The following CPAMD8 variants were observed in gnomAD, a reference collection of about 807,000 sequenced individuals.
CPAMD8 encodes C3 and PZP like alpha-2-macroglobulin domain containing 8, also known as C3 and PZP-like alpha-2-macroglobulin domain-containing protein 8.
Under a neutral mutation model 224.7 loss-of-function variants are expected in CPAMD8, and 146 were observed. That is an observed-to-expected ratio of 0.65 (90% CI 0.57 to 0.75). The LOEUF (loss-of-function observed/expected upper bound fraction) is 0.75. Among genes scored for constraint, CPAMD8 ranks in the 30% least tolerant of loss-of-function variants. The pLI, the probability that CPAMD8 is intolerant of heterozygous loss-of-function variation, is 0.00. For synonymous variants in CPAMD8, 966 were observed against 1,044.6 expected (o/e 0.92, Z 1.45); for missense variants, 2,301 against 2,537.5 (o/e 0.91, Z 2.00).
intron 9 of CPAMD8, among the ~76,000 whole-genome samples, chr19:17,001,319 T>A (rs2056308926): frequency 6.4e-5 from 3 of 46,618 alleles, no homozygotes; most frequent in Non-Finnish European, 1.1e-4. Flanking sequence ...AGACTCCGTC[T>A]GAAAAAAAAA....
chr19:16,991,664 G>C (rs1272379404), intron 12 of CPAMD8, among the ~76,000 whole-genome samples: 1 of 152,120 alleles, frequency 6.6e-6, no homozygotes, highest in Non-Finnish European at 1.5e-5. Context: ...AGACCAGCTT[G>C]ACCAATATAG....
chr19:16,976,709 G>A (rs1267715954), intron 15 of CPAMD8, among the ~76,000 whole-genome samples: 1 of 151,876 alleles, frequency 6.6e-6, no homozygotes. Flanking sequence ...AGATGGGAAG[G>A]CAGGTGCTGG....
chr19:16,947,695 G>A (rs989363291), intron 20 of CPAMD8, among the ~76,000 whole-genome samples: 1 of 120,240 alleles, frequency 8.3e-6, no homozygotes, highest in African/African-American at 3.3e-5. Context: ...TCATGTGCAT[G>A]TGTGTGCTGT....
At chr19:16,984,374 C>G (rs1006047446) in intron 13 of CPAMD8, among the ~76,000 whole-genome samples, 2 of 148,640 alleles carry the variant, frequency 1.3e-5, no homozygotes, top group Non-Finnish European at 3.0e-5. Flanking sequence ...ATCCCTACCT[C>G]ACACCATATA....
intron 13 of CPAMD8, among the ~76,000 whole-genome samples, chr19:16,981,537 T>A (rs1248009111): frequency 6.6e-6 from 1 of 151,812 alleles, no homozygotes; most frequent in Non-Finnish European, 1.5e-5. Context: ...TGTCAATGAG[T>A]GTAGGGCAGG....
intron 12 of CPAMD8, among the ~76,000 whole-genome samples, chr19:16,992,649 G>T (rs1332424455): frequency 1.3e-5 from 2 of 151,726 alleles, no homozygotes; most frequent in African/African-American, 4.8e-5. Context: ...ATGGGGTTTT[G>T]CCATGTTGGC....
intron 27 of CPAMD8, among the ~76,000 whole-genome samples, chr19:16,917,494 T>C (rs989497658): frequency 2.0e-5 from 3 of 151,762 alleles, no homozygotes; most frequent in South Asian, 2.1e-4. Flanking sequence ...ATGCCAGCAG[T>C]GTTTGGGAGG....
Position 16,914,408 on chromosome 19 carries a change from C to T in CPAMD8, c.3861+16G>A, listed in dbSNP as rs773299188. 9 of 1,613,040 alleles carry T rather than the reference C, an allele frequency of 5.6e-6. No homozygotes were observed. The highest frequency in any genetic ancestry group is 5.0e-5 in the Admixed American group (3 of 60,012). On this transcript the variant is annotated intron_variant, in intron 29 of 41. Coordinates refer to ENST00000443236, the MANE Select transcript of CPAMD8 (RefSeq NM_015692.5). ...GTGCCCAGCCCCGAGTCTCCCCAAACCCCTTCTGTACTCACCTCTGAGGCT... is the reference window on the plus strand; with the variant it reads ...GTGCCCAGCCCCGAGTCTCCCCAAATCCCTTCTGTACTCACCTCTGAGGCT...
chr19:16,920,064 G>T (rs2053110353), intron 27 of CPAMD8, among the ~76,000 whole-genome samples: 1 of 152,196 alleles, frequency 6.6e-6, no homozygotes, highest in South Asian at 2.1e-4. Flanking sequence ...CCACTGCCCT[G>T]CGCTCACTGC....
Position 16,898,120 on chromosome 19 carries a change from ATTTTCTTT to A in CPAMD8, c.4849-134_4849-127del, listed in dbSNP as rs1225223699. 9 of 594,432 alleles carry A rather than the reference ATTTTCTTT, an allele frequency of 1.5e-5. No homozygotes were observed. The highest frequency in any genetic ancestry group is 1.0e-4 in the African/African-American group (5 of 49,722). The allele number at this position is 594,432 out of a possible 1,614,324, so 36.8% of individuals were successfully genotyped here. A position where few individuals can be genotyped will look rare whatever the true frequency, so the allele number is the denominator to read the frequency against. On this transcript the variant is annotated intron_variant, in intron 37 of 41. Transcript: ENST00000443236. This position sits in a 1 kb window ranked among gnomAD's most constrained non-coding sequence, Gnocchi z 4.2. ...TGAAACACAGAAGAAACGTGATCCC[ATTTTCTTT>A]TTTTCTTTTACTTTTCTTTTTTTTT...
chr19:17,019,997 G>A (rs1228400935), intron 3 of CPAMD8, among the ~76,000 whole-genome samples: 11 of 111,472 alleles, frequency 9.9e-5, no homozygotes, highest in South Asian at 8.1e-4. Context: ...TTGGTGAGAC[G>A]GAGATTTACT....
intron 7 of CPAMD8, 108 bp from the exon 8 acceptor site, chr19:17,004,494 C>G: frequency 1.5e-6 from 1 of 689,550 alleles, no homozygotes; most frequent in South Asian, 1.7e-5. Context: ...AGCAGCCCCC[C>G]AGGAGAACTG....
At chr19:16,972,519 G>T (rs944973121) in intron 17 of CPAMD8, among the ~76,000 whole-genome samples, 2 of 151,902 alleles carry the variant, frequency 1.3e-5, no homozygotes, top group Admixed American at 6.6e-5. Flanking sequence ...TGTAAGCTCC[G>T]CCTCCCAGGT....
chr19:16,957,964 T>A (rs760448398), intron 18 of CPAMD8, 49 bp from the exon 19 acceptor site: 2 of 1,544,348 alleles, frequency 1.3e-6, no homozygotes, highest in Middle Eastern at 1.7e-4. Flanking sequence ...ACATAACAAA[T>A]CTTATGTGAA....
chr19:16,993,218 G>A (rs2122932636), intron 12 of CPAMD8, among the ~76,000 whole-genome samples, 198 bp downstream of exon 12: 1 of 152,306 alleles, frequency 6.6e-6, no homozygotes, highest in Non-Finnish European at 1.5e-5. Flanking sequence ...AACTGGTCCA[G>A]GCACCCTTAT....
chr19:16,954,808 C>T (rs1220546225), intron 19 of CPAMD8, among the ~76,000 whole-genome samples: 1 of 152,080 alleles, frequency 6.6e-6, no homozygotes, highest in Non-Finnish European at 1.5e-5. Flanking sequence ...CATGGTGAAA[C>T]CCCATCTCTA....
intron 11 of CPAMD8, 73 bp downstream of exon 11, chr19:16,997,038 A>C: frequency 2.2e-6 from 2 of 923,958 alleles, no homozygotes; most frequent in Non-Finnish European, 3.6e-6. Context: ...TCACCACTGC[A>C]GAGCTAGTGG....
At chr19:16,930,652 C>A (rs996124199) in intron 23 of CPAMD8, among the ~76,000 whole-genome samples, 1 of 152,130 alleles carries the variant, frequency 6.6e-6, no homozygotes, top group Non-Finnish European at 1.5e-5. Flanking sequence ...ACTCTAGCAG[C>A]TCTAGCCATG....
In CPAMD8 at chr19:17,011,529, A is replaced by C; in HGVS notation, c.434-13T>G. On this transcript the variant is annotated splice_polypyrimidine_tract_variant and intron_variant, in intron 4 of 41. Transcript: ENST00000443236. ...ATGCTTATGAGCACTAGAAGAAAGA[A>C]GAGAGGCGTGTGACACCTCCAGACC... The C allele has an allele frequency of 6.2e-7, 1 of 1,614,154 alleles. No homozygotes were observed. The highest frequency in any genetic ancestry group is 1.1e-5 in the South Asian group (1 of 91,078).
Sources: allele counts gnomAD v4.1 joint callset (sites outside exome capture counted in the v4.1 genomes callset), GRCh38; gene constraint gnomAD v4.1.1; non-coding constraint Gnocchi (gnomAD v3.1); transcripts MANE v1.5; gene names NCBI Gene and HGNC (gene_info 2026-07-23, HGNC 2026-07-21).